The following KLHL29 variants were observed in gnomAD, a reference collection of about 807,000 sequenced individuals.
KLHL29 encodes the protein kelch-like protein 29.
KLHL29 carries 21 observed loss-of-function variants against 80.4 expected under a neutral mutation model. That is an observed-to-expected ratio of 0.26 (90% CI 0.19 to 0.38). The LOEUF (loss-of-function observed/expected upper bound fraction) is 0.38, where lower values mean the gene tolerates loss of function less well. KLHL29 is among the 10% of genes least tolerant of loss of function. The pLI, the probability that KLHL29 is intolerant of heterozygous loss-of-function variation, is 1.00. For missense variants in KLHL29, 867 were observed against 1,223.9 expected (o/e 0.71, Z 4.35); for synonymous variants, 511 against 526.8 (o/e 0.97, Z 0.41).
At chr2:23,629,614 C>T (rs1669418307) in intron 3 of KLHL29, among the ~76,000 whole-genome samples, 2 of 152,168 alleles carry the variant, frequency 1.3e-5, no homozygotes, top group Non-Finnish European at 2.9e-5. Flanking sequence ...GGGCACATTC[C>T]AGAGCACGGT....
chr2:23,469,190 G>C (rs1315706528), intron 1 of KLHL29, among the ~76,000 whole-genome samples: 1 of 152,242 alleles, frequency 6.6e-6, no homozygotes, highest in East Asian at 1.9e-4. Flanking sequence ...CAATGCCCCT[G>C]AGGGCACCAA....
At chr2:23,387,738 A>G (rs1212570889) in intron 1 of KLHL29, among the ~76,000 whole-genome samples, 1 of 152,160 alleles carries the variant, frequency 6.6e-6, no homozygotes, top group African/African-American at 2.4e-5. Context: ...GCTGTGTGCT[A>G]CTGATGAATA....
rs1671188713 is a variant in KLHL29, at chr2:23,684,751, G to A, written c.1079+214G>A. ...CGCCCAGCACCCGCCCCCACCCACA[G>A]CTTTGCTGTCACCAGCTTTGCTGGT... On this transcript the variant is annotated intron_variant, in intron 6 of 13. Coordinates refer to ENST00000486442, the MANE Select transcript of KLHL29 (RefSeq NM_052920.2). The surrounding 1 kb of genome is among the most constrained non-coding windows in gnomAD (Gnocchi z 4.4). Among the ~76,000 whole-genome samples the A allele has an allele frequency of 6.9e-6, 1 of 144,636 alleles. No homozygotes were observed. The highest frequency in any genetic ancestry group is 2.7e-5 in the African/African-American group (1 of 36,938). The allele number at this position is 144,636 out of a possible 152,430, so 94.9% of individuals were successfully genotyped here.
chr2:23,510,571 T>C (rs934368), intron 2 of KLHL29, among the ~76,000 whole-genome samples: 85,608 of 151,992 alleles, frequency 0.56, 25,450 homozygotes, highest in Non-Finnish European at 0.66. Context: ...GCCCACAGGG[T>C]CCCCCGATTG....
At chr2:23,460,797 G>C (rs1415403464) in intron 1 of KLHL29, among the ~76,000 whole-genome samples, 1 of 151,480 alleles carries the variant, frequency 6.6e-6, no homozygotes, top group Non-Finnish European at 1.5e-5. Flanking sequence ...CGTGAAGGGA[G>C]CATCGTGCAA....
At chr2:23,705,496 A>G (rs114899496) in intron 13 of KLHL29, among the ~76,000 whole-genome samples, 3,140 of 152,256 alleles carry the variant, frequency 0.021, 122 homozygotes, top group African/African-American at 0.072. Flanking sequence ...GTCTCAAAAA[A>G]AAAAAAAGAA....
intron 5 of KLHL29, among the ~76,000 whole-genome samples, chr2:23,649,250 C>A (rs1381715841): frequency 6.6e-6 from 1 of 152,196 alleles, no homozygotes; most frequent in East Asian, 1.9e-4. Flanking sequence ...CTGATACACA[C>A]ACCCTCCTCC....
At chr2:23,597,597 G>T (rs7563893) in intron 3 of KLHL29, among the ~76,000 whole-genome samples, 84,131 of 150,378 alleles carry the variant, frequency 0.56, 26,517 homozygotes, top group South Asian at 0.75. Context: ...GCTAACTTTT[G>T]TATCTTTAGT....
chr2:23,458,963 G>T (rs1434454083), intron 1 of KLHL29, among the ~76,000 whole-genome samples: 1 of 152,194 alleles, frequency 6.6e-6, no homozygotes, highest in Non-Finnish European at 1.5e-5. Context: ...GATTGGGGAA[G>T]AGCAAGCAAG....
chr2:23,570,699 C>T (rs532625760), intron 3 of KLHL29, among the ~76,000 whole-genome samples: 2 of 152,326 alleles, frequency 1.3e-5, no homozygotes, highest in Admixed American at 6.5e-5. Context: ...ACTCAAAACC[C>T]ACCTGGGCTC....
At chr2:23,686,647 G>T (rs960184474) in intron 6 of KLHL29, among the ~76,000 whole-genome samples, 2 of 152,068 alleles carry the variant, frequency 1.3e-5, no homozygotes, top group Non-Finnish European at 2.9e-5. Context: ...GGCCAGTGTC[G>T]GGAGAGCTGG....
intron 2 of KLHL29, among the ~76,000 whole-genome samples, chr2:23,535,255 G>A (rs562043012): frequency 3.9e-5 from 6 of 152,224 alleles, no homozygotes; most frequent in Non-Finnish European, 5.9e-5. Flanking sequence ...TGCATTTGTG[G>A]AACTTAACCC....
intron 3 of KLHL29, among the ~76,000 whole-genome samples, chr2:23,589,407 G>A (rs1179873573): frequency 6.6e-6 from 1 of 152,216 alleles, no homozygotes; most frequent in African/African-American, 2.4e-5. Flanking sequence ...GGTGGAGGCG[G>A]CCCTGGGCCT....
chr2:23,652,740 G>A (rs527769605), intron 5 of KLHL29, among the ~76,000 whole-genome samples: 49 of 152,278 alleles, frequency 3.2e-4, no homozygotes, highest in African/African-American at 1.0e-3. Flanking sequence ...GTTTATACAC[G>A]CAGAGATATA....
chr2:23,455,488 A>G (rs566561664), intron 1 of KLHL29, among the ~76,000 whole-genome samples: 14 of 152,158 alleles, frequency 9.2e-5, no homozygotes, highest in African/African-American at 3.4e-4. Context: ...TTAATGTAAG[A>G]TATTTTGGTT....
At chr2:23,629,116 GCGGC>G (rs1669404389) in intron 3 of KLHL29, among the ~76,000 whole-genome samples, 1 of 152,226 alleles carries the variant, frequency 6.6e-6, no homozygotes, top group South Asian at 2.1e-4. Context: ...TACAAGGAAC[GCGGC>G]TGTTGGGGGA....
intron 2 of KLHL29, among the ~76,000 whole-genome samples, chr2:23,530,639 ATG>A (rs1666462308): frequency 6.6e-6 from 1 of 152,198 alleles, no homozygotes; most frequent in African/African-American, 2.4e-5. Flanking sequence ...ATATTTTTCA[ATG>A]CAGTAAGTAG....
At chr2:23,541,374 G>T (rs1054859068) in intron 2 of KLHL29, among the ~76,000 whole-genome samples, 4 of 152,206 alleles carry the variant, frequency 2.6e-5, no homozygotes. Context: ...AACTCAAGGG[G>T]CTTCCTTCCA....
chr2:23,622,481 C>T (rs145904261), intron 3 of KLHL29, among the ~76,000 whole-genome samples: 113 of 152,342 alleles, frequency 7.4e-4, no homozygotes, highest in Non-Finnish European at 1.5e-3. Context: ...TACCTAATCA[C>T]AAAGGATGGA....
Sources: gnomAD v4.1 joint callset for allele counts (sites outside exome capture counted in the v4.1 genomes callset) on GRCh38, gnomAD v4.1.1 for gene constraint, Gnocchi (gnomAD v3.1) non-coding constraint, MANE v1.5 for transcripts, NCBI Gene and HGNC (gene_info 2026-07-23, HGNC 2026-07-21) for gene names.